Variants in CD27 observed in about 807,000 individuals in gnomAD.
CD27 encodes CD27 antigen.
CD27 carries 16 observed loss-of-function variants against 25.9 expected under a neutral mutation model. That is an observed-to-expected ratio of 0.62 (90% CI 0.42 to 0.94). The LOEUF is 0.94. CD27 is among the 40% of genes least tolerant of loss of function. CD27 has a pLI of 0.00. For synonymous variants in CD27, 142 were observed against 124.3 expected (o/e 1.14, Z -0.95); for missense variants, 300 against 333.2 (o/e 0.90, Z 0.78).
chr12:6,445,700 G>C lies in CD27; in HGVS notation c.268+145G>C. 9.6e-7 allele frequency: 1 copy of C among 1,039,112 alleles called. No individual in the cohort carries two copies. Among genetic ancestry groups the C allele is most frequent in the Non-Finnish European group, 1.4e-6 (1 of 733,228 alleles). 64.4% of individuals were successfully genotyped at this position (1,039,112 alleles called of 1,614,324 possible). On this transcript the variant is annotated intron_variant, in intron 2 of 5. Coordinates refer to ENST00000266557, the MANE Select transcript of CD27 (RefSeq NM_001242.5). The surrounding 1 kb of genome is among the most constrained non-coding windows in gnomAD (Gnocchi z 4.5). ...GCTCACAGCAAGTGGAGCCAATGCT[G>C]GGAAATGCGGCACCCTAGGTGGGGC... is the stretch of plus-strand genomic sequence containing the variant.
rs920829653 is a variant in CD27, at chr12:6,445,684, A to C, written c.268+129A>C. 2.5e-5 allele frequency: 30 copies of C among 1,219,688 alleles called. No individual in the cohort carries two copies. The highest frequency in any genetic ancestry group is 3.2e-5 in the Non-Finnish European group (29 of 893,762). 75.6% of individuals were successfully genotyped at this position (1,219,688 alleles called of 1,614,324 possible). A position where few individuals can be genotyped will look rare whatever the true frequency, so the allele number is the denominator to read the frequency against. ...TTTGGCCTTCTTCAAGGCTCACAGC[A>C]AGTGGAGCCAATGCTGGGAAATGCG... On this transcript the variant is annotated intron_variant, in intron 2 of 5. Transcript: ENST00000266557. The surrounding 1 kb of genome is among the most constrained non-coding windows in gnomAD (Gnocchi z 4.5).
At position 6,445,601 on chromosome 12, in the gene CD27, TG is replaced by T; in HGVS notation, c.268+51del. ...TAGGTGGGGACGATGGACAAGCATC[TG>T]GGGGAGCAAGGCTGGTGACGGGTTT... is the stretch of plus-strand genomic sequence containing the variant. On this transcript the variant is annotated intron_variant, in intron 2 of 5. Transcript: ENST00000266557. This position sits in a 1 kb window ranked among gnomAD's most constrained non-coding sequence, Gnocchi z 4.5. The T allele has an allele frequency of 6.2e-7, 1 of 1,601,210 alleles. No individual in the cohort carries two copies.
At position 6,449,315 on chromosome 12, in the gene CD27, CTTT is replaced by C. The variant is rs549905322; in HGVS notation, c.269-844_269-842del. 1.6e-3 allele frequency among the ~76,000 whole-genome samples: 204 copies of C among 123,718 alleles called. 2 individuals carry two copies. Among genetic ancestry groups the C allele is most frequent in the Middle Eastern group, 4.7e-3 (1 of 214 alleles). The allele number at this position is 123,718 out of a possible 152,430, so 81.2% of individuals were successfully genotyped here. ...CCTGGCTATTTTCTTTCTTTCTTTT[CTTT>C]TTTTTTTTTTTTTGAGACGGAGTTT... On this transcript the variant is annotated intron_variant, in intron 2 of 5. Transcript: ENST00000266557.
Position 6,450,947 on chromosome 12 carries a change from T to C in CD27, c.591T>C (p.Ser197=). ...SDFIRILVIF[S]GMFLVFTLAG... ...TTATTCGCATCCTTGTGATCTTCTC[T>C]GGAATGTTCCTTGTTTTCACCCTGG... The change falls in exon 5 of 6, where the codon TCT becomes TCC. Residue 197 remains serine, a synonymous_variant. Transcript: ENST00000266557. This position sits in a 1 kb window ranked among gnomAD's most constrained non-coding sequence, Gnocchi z 4.1. 6.2e-7 allele frequency: 1 copy of C among 1,614,146 alleles called. No individual in the cohort carries two copies. The highest frequency in any genetic ancestry group is 8.5e-7 in the Non-Finnish European group (1 of 1,180,002).
intron 2 of CD27, among the ~76,000 whole-genome samples, chr12:6,449,255 C>T (rs1189543829): frequency 2.0e-5 from 3 of 151,896 alleles, no homozygotes; most frequent in South Asian, 4.1e-4. Context: ...CCTCAACCTC[C>T]CAAAGTGCTG....
chr12:6,451,587 G>T lies in CD27; in HGVS notation c.*195G>T, dbSNP rs1283726270. On this transcript the variant is annotated 3_prime_UTR_variant, in exon 6 of 6. Coordinates refer to ENST00000266557, the MANE Select transcript of CD27 (RefSeq NM_001242.5). Reference sequence around the variant, plus strand: ...CAAATATGGATGAGGTGGAGAGTGGGAAGCAGGAGCCCAGCCAGCTGCGCC... The same window carrying T: ...CAAATATGGATGAGGTGGAGAGTGGTAAGCAGGAGCCCAGCCAGCTGCGCC... The T allele has an allele frequency of 1.0e-5, 6 of 579,090 alleles. No homozygotes were observed. 35.9% of individuals were successfully genotyped at this position (579,090 alleles called of 1,614,324 possible). A position where few individuals can be genotyped will look rare whatever the true frequency, so the allele number is the denominator to read the frequency against.
intron 2 of CD27, among the ~76,000 whole-genome samples, chr12:6,449,727 G>A (rs1196369044): frequency 1.3e-5 from 2 of 152,032 alleles, no homozygotes; most frequent in Admixed American, 1.3e-4. Flanking sequence ...GCACACACCT[G>A]TAATCCCAGC....
In CD27 at chr12:6,450,674, A is replaced by G. The variant is rs772208557; in HGVS notation, c.538+44A>G. On this transcript the variant is annotated intron_variant, in intron 4 of 5. Transcript: ENST00000266557. This position sits in a 1 kb window ranked among gnomAD's most constrained non-coding sequence, Gnocchi z 4.1. Reference sequence around the variant, plus strand: ...CCCCACCGCTAGAGAGAATGCATACACGAGGGGCCAGGAGGGAAGCCAGAC... The same window carrying G: ...CCCCACCGCTAGAGAGAATGCATACGCGAGGGGCCAGGAGGGAAGCCAGAC... 34 of 1,559,326 alleles carry G rather than the reference A, an allele frequency of 2.2e-5. No homozygotes were observed. The highest frequency in any genetic ancestry group is 2.9e-5 in the Non-Finnish European group (33 of 1,136,568).
At chr12:6,444,360 C>T (rs1306008643), upstream of CD27, among the ~76,000 whole-genome samples, 2 of 152,136 alleles carry the variant, frequency 1.3e-5, no homozygotes, top group Non-Finnish European at 2.9e-5. Flanking sequence ...TGAGACAAGG[C>T]TATTTAAGCT....
In CD27 at chr12:6,450,103, G is replaced by T; in HGVS notation, c.269-70G>T. 7.0e-7 allele frequency: 1 copy of T among 1,429,338 alleles called. No homozygotes were observed. Among genetic ancestry groups the T allele is most frequent in the Non-Finnish European group, 9.6e-7 (1 of 1,043,578 alleles). The allele number at this position is 1,429,338 out of a possible 1,614,324, so 88.5% of individuals were successfully genotyped here. Reference sequence around the variant, plus strand: ...GGGCCTGGGATGGGGGTTGGGGGATGAAGCAAGTGGACCTTGAAGGTCTCC... The same window carrying T: ...GGGCCTGGGATGGGGGTTGGGGGATTAAGCAAGTGGACCTTGAAGGTCTCC... On this transcript the variant is annotated intron_variant, in intron 2 of 5. Transcript: ENST00000266557. The surrounding 1 kb of genome is among the most constrained non-coding windows in gnomAD (Gnocchi z 4.1).
At chr12:6,447,666 G>C (rs984743731) in intron 2 of CD27, 1 of 151,868 alleles carries the variant, frequency 6.6e-6, no homozygotes, top group Non-Finnish European at 1.5e-5. Flanking sequence ...TAAGTTCTAG[G>C]GTACATGTAC....
Position 6,450,377 on chromosome 12 carries a change from C to A in CD27, c.448+25C>A, listed in dbSNP as rs1448236725. 6 of 1,602,718 alleles carry A rather than the reference C, an allele frequency of 3.7e-6. No homozygotes were observed. Among genetic ancestry groups the A allele is most frequent in the Non-Finnish European group, 4.3e-6 (5 of 1,175,230 alleles). On this transcript the variant is annotated intron_variant, in intron 3 of 5. Transcript: ENST00000266557. The surrounding 1 kb of genome is among the most constrained non-coding windows in gnomAD (Gnocchi z 4.1). The stretch of plus-strand genomic sequence containing the variant: ...GGTAAGTTCCAGGCAACTCTCTGTG[C>A]CATCACGTGGGGTAGCGGTGATACC...
rs533550145 is a variant in CD27, at chr12:6,446,651, C to T, written c.268+1096C>T. Among the ~76,000 whole-genome samples the T allele has an allele frequency of 8.6e-5, 13 of 151,930 alleles. No individual in the cohort carries two copies. The East Asian group carries it at 2.5e-3, about 29-fold the overall frequency. On this transcript the variant is annotated intron_variant, in intron 2 of 5. Transcript: ENST00000266557. ...AAAAAATTGGCTGGTCATGGTAGTG[C>T]ACCTGCAGTCCCAGCTACTTGGGAG...
rs755775043 is a variant in CD27, at chr12:6,445,102, C to T, written c.7C>T (p.Arg3Trp). 16 of 1,603,956 alleles carry T rather than the reference C, an allele frequency of 1.0e-5. No individual in the cohort carries two copies. Among genetic ancestry groups the T allele is most frequent in the African/African-American group, 6.7e-5 (5 of 74,618 alleles). Residue 3 changes from arginine to tryptophan, a missense_variant, in exon 1 of 6, where the codon CGG becomes TGG. By Grantham distance (101) the Arg-to-Trp change is moderately radical. Coordinates refer to ENST00000266557, the MANE Select transcript of CD27 (RefSeq NM_001242.5). This position sits in a 1 kb window ranked among gnomAD's most constrained non-coding sequence, Gnocchi z 4.5. ...AGCCGCCTGGGCAGGGACCATGGCACGGCCACATCCCTGGTGGCTGTGCGT... is the reference window on the plus strand; with the variant it reads ...AGCCGCCTGGGCAGGGACCATGGCATGGCCACATCCCTGGTGGCTGTGCGT... MA[R>W]PHPWWLCVLG...
chr12:6,448,382 C>T (rs547543567), intron 2 of CD27, among the ~76,000 whole-genome samples: 1 of 152,088 alleles, frequency 6.6e-6, no homozygotes, highest in African/African-American at 2.4e-5. Flanking sequence ...CAGCCGCCAG[C>T]GAGCCCAGCC....
At position 6,450,446 on chromosome 12, in the gene CD27, G is replaced by A. The variant is rs897526946; in HGVS notation, c.448+94G>A. On this transcript the variant is annotated intron_variant, in intron 3 of 5. Coordinates refer to ENST00000266557, the MANE Select transcript of CD27 (RefSeq NM_001242.5). This position sits in a 1 kb window ranked among gnomAD's most constrained non-coding sequence, Gnocchi z 4.1. ...TCCTACCCCTAGATAAGGTCAGCCT[G>A]TTTCTGCCTTCCCATCCCATCCAGC... The A allele has an allele frequency of 1.3e-6, 2 of 1,539,524 alleles. No homozygotes were observed. The highest frequency in any genetic ancestry group is 1.7e-5 in the Admixed American group (1 of 58,776).
rs1445443950 is a variant in CD27, at chr12:6,450,200, C to T, written c.296C>T (p.Thr99Ile). 5 of 1,613,346 alleles carry T rather than the reference C, an allele frequency of 3.1e-6. No individual in the cohort carries two copies. In the Admixed American group the frequency reaches 8.3e-5, roughly 27 times the overall value. ...CTTCTCGTTCGCAACTGCACCATCA[C>T]TGCCAATGCTGAGTGTGCCTGTCGC... ...SGLLVRNCTI[T>I]ANAECACRNG... The change falls in exon 3 of 6, where the codon ACT (threonine) becomes ATT (isoleucine). Residue 99 changes from threonine to isoleucine, a missense_variant. By Grantham distance (89) the Thr-to-Ile change is moderately conservative. Coordinates refer to ENST00000266557, the MANE Select transcript of CD27 (RefSeq NM_001242.5). This position sits in a 1 kb window ranked among gnomAD's most constrained non-coding sequence, Gnocchi z 4.1.
Position 6,450,066 on chromosome 12 carries a change from G to A in CD27, c.269-107G>A, listed in dbSNP as rs1313255040. 6 of 945,526 alleles carry A rather than the reference G, an allele frequency of 6.3e-6. No homozygotes were observed. Among genetic ancestry groups the A allele is most frequent in the African/African-American group, 1.6e-5 (1 of 61,412 alleles). 58.6% of individuals were successfully genotyped at this position (945,526 alleles called of 1,614,324 possible). A position where few individuals can be genotyped will look rare whatever the true frequency, so the allele number is the denominator to read the frequency against. On this transcript the variant is annotated intron_variant, in intron 2 of 5. Coordinates refer to ENST00000266557, the MANE Select transcript of CD27 (RefSeq NM_001242.5). This position sits in a 1 kb window ranked among gnomAD's most constrained non-coding sequence, Gnocchi z 4.1. ...GGGGTGGGAATGGAAAGGGAAGCACGTCCCTAGAGGTGGGCCTGGGATGGG... is the reference window on the plus strand; with the variant it reads ...GGGGTGGGAATGGAAAGGGAAGCACATCCCTAGAGGTGGGCCTGGGATGGG...
At chr12:6,449,037 C>A (rs1221011274) in intron 2 of CD27, among the ~76,000 whole-genome samples, 2 of 152,002 alleles carry the variant, frequency 1.3e-5, no homozygotes, top group African/African-American at 2.4e-5. Context: ...ACTCTGTCAC[C>A]CAGGCTGGAG....
Sources: gnomAD v4.1 joint callset for allele counts (sites outside exome capture counted in the v4.1 genomes callset) on GRCh38, gnomAD v4.1.1 for gene constraint, Gnocchi (gnomAD v3.1) non-coding constraint, MANE v1.5 for transcripts, NCBI Gene and HGNC (gene_info 2026-07-23, HGNC 2026-07-21) for gene names.